TXNRD2: variants seen among roughly 807,000 people sequenced by gnomAD.
TXNRD2 encodes the protein thioredoxin reductase 2, mitochondrial.
A neutral mutation model predicts 70.8 loss-of-function variants in TXNRD2; 67 were observed. The ratio of observed to expected loss-of-function variants is 0.95; its 90% CI spans 0.78 to 1.16. The LOEUF (loss-of-function observed/expected upper bound fraction) is 1.16. TXNRD2 is among the 50% of genes most tolerant of loss of function. The pLI, the probability that TXNRD2 is intolerant of heterozygous loss-of-function variation, is 0.00. For missense variants in TXNRD2, 644 were observed against 719.9 expected, an observed-to-expected ratio of 0.89 and a Z score of 1.21; for synonymous variants, 301 against 295.8, an observed-to-expected ratio of 1.02 and a Z score of -0.18.
chr22:19,909,205 C>CAA lies in TXNRD2; in HGVS notation c.662+2170_662+2171dup, dbSNP rs199938429. 4.2e-3 allele frequency among the ~76,000 whole-genome samples: 310 copies of CAA among 73,742 alleles called. 1 individual carries two copies. The highest frequency in any genetic ancestry group is 0.012 in the African/African-American group (276 of 23,816). The allele number at this position is 73,742 out of a possible 152,430, so 48.4% of individuals were successfully genotyped here. ...TGGGCAACAGAGTGAGACTCTGTTT[C>CAA]AAAAAAAAAAAAAAAAAAGGTTAAA... On this transcript the variant is annotated intron_variant, in intron 8 of 17. Transcript: ENST00000400521.
chr22:19,877,258 C>T, intron 16 of TXNRD2, 24 bp from the exon 17 acceptor site: 1 of 1,603,334 alleles, frequency 6.2e-7, no homozygotes, highest in South Asian at 1.1e-5. Context: ...ATGGGGGAGG[C>T]AGGCGGGGTC....
intron 1 of TXNRD2, among the ~76,000 whole-genome samples, chr22:19,938,620 T>C (rs1364592047): frequency 1.3e-5 from 2 of 152,228 alleles, no homozygotes; most frequent in Non-Finnish European, 2.9e-5. Flanking sequence ...TGGCTTGCAC[T>C]GGCCCTGATG....
chr22:19,933,353 G>C, intron 1 of TXNRD2: 1 of 952,152 alleles, frequency 1.1e-6, no homozygotes, highest in Non-Finnish European at 1.5e-6. Context: ...GGTCCCCCGG[G>C]GAGCATGAAC....
intron 2 of TXNRD2, among the ~76,000 whole-genome samples, chr22:19,920,920 G>A (rs1940881062): frequency 6.6e-6 from 1 of 152,090 alleles, no homozygotes; most frequent in South Asian, 2.1e-4. Context: ...GGCTAACACG[G>A]TGAAACCCTG....
chr22:19,916,192 C>G, intron 5 of TXNRD2: 2 of 343,040 alleles, frequency 5.8e-6, no homozygotes, highest in South Asian at 5.1e-5. Flanking sequence ...CATGTTCCAG[C>G]AGGGAGCTGT....
chr22:19,890,294 A>G (rs1375412743), intron 11 of TXNRD2, among the ~76,000 whole-genome samples: 1 of 152,160 alleles, frequency 6.6e-6, no homozygotes, highest in East Asian at 1.9e-4. Context: ...AAAAATATCA[A>G]ACTCACAATG....
intron 5 of TXNRD2, among the ~76,000 whole-genome samples, chr22:19,916,659 A>T (rs2146039663): frequency 6.8e-6 from 1 of 147,786 alleles, no homozygotes; most frequent in African/African-American, 2.5e-5. Context: ...TTTTTTTTAA[A>T]GACATCTTCT....
intron 2 of TXNRD2, among the ~76,000 whole-genome samples, chr22:19,927,568 C>T (rs1308897443): frequency 8.9e-5 from 13 of 146,884 alleles, no homozygotes; most frequent in Admixed American, 8.3e-4. Flanking sequence ...GTGGGAAAAT[C>T]GCTTGAACCC....
chr22:19,900,624 C>A (rs926005896), intron 8 of TXNRD2, among the ~76,000 whole-genome samples: 1 of 152,144 alleles, frequency 6.6e-6, no homozygotes, highest in Non-Finnish European at 1.5e-5. Context: ...GCGATGTGCG[C>A]CTGTAGTCCC....
Position 19,882,276 on chromosome 22 carries a change from C to T in TXNRD2, c.1086+1049G>A, listed in dbSNP as rs62222100. ...GCACAATCTTGGCTCACGGTAACCTCCGCCTTCCTCCTCCCGAGTTCAAAT... is the reference window on the plus strand; with the variant it reads ...GCACAATCTTGGCTCACGGTAACCTTCGCCTTCCTCCTCCCGAGTTCAAAT... On this transcript the variant is annotated intron_variant, in intron 12 of 17. Transcript: ENST00000400521. Among the ~76,000 whole-genome samples, 733 of 152,280 alleles carry T rather than the reference C, an allele frequency of 4.8e-3. 1 individual carries two copies. Among genetic ancestry groups the T allele is most frequent in the Non-Finnish European group, 7.2e-3 (493 of 68,026 alleles).
chr22:19,937,518 C>T (rs565765033), intron 1 of TXNRD2, among the ~76,000 whole-genome samples: 7 of 152,146 alleles, frequency 4.6e-5, no homozygotes, highest in East Asian at 3.8e-4. Flanking sequence ...TTCCATCCTA[C>T]GTCAAAATTT....
intron 8 of TXNRD2, among the ~76,000 whole-genome samples, chr22:19,901,205 G>C (rs112011114): frequency 7.2e-5 from 11 of 152,212 alleles, no homozygotes; most frequent in Non-Finnish European, 1.6e-4. Context: ...GGATTGGAGC[G>C]GGGGCAGGTG....
intron 13 of TXNRD2, 50 bp from the exon 14 acceptor site, chr22:19,880,321 A>C (rs1157206044): frequency 1.9e-6 from 3 of 1,559,944 alleles, no homozygotes; most frequent in Non-Finnish European, 2.6e-6. Flanking sequence ...CGAAAACCGA[A>C]GTTCCCCACT....
rs188325304 is a variant in TXNRD2, at chr22:19,916,075, A to G, written c.450-232T>C. On this transcript the variant is annotated intron_variant, in intron 5 of 17. Coordinates refer to ENST00000400521, the MANE Select transcript of TXNRD2 (RefSeq NM_006440.5). ...GGGACATGTTAACCACAGGTGTCAA[A>G]GCAGGGACGGAAGCCAGCTCAGCAC... 778 of 519,376 alleles carry G rather than the reference A, an allele frequency of 1.5e-3. 7 individuals are homozygous for G. The highest frequency in any genetic ancestry group is 0.013 in the African/African-American group (688 of 51,956). 32.2% of individuals were successfully genotyped at this position (519,376 alleles called of 1,614,324 possible).
In TXNRD2 at chr22:19,879,981, A is replaced by G. The variant is rs76576226; in HGVS notation, c.1275+198T>C. Among the ~76,000 whole-genome samples, 4,005 of 152,130 alleles carry G rather than the reference A, an allele frequency of 0.026. 208 individuals carry two copies. The highest frequency in any genetic ancestry group is 0.09 in the African/African-American group (3,738 of 41,490). On this transcript the variant is annotated intron_variant, in intron 14 of 17. Coordinates refer to ENST00000400521, the MANE Select transcript of TXNRD2 (RefSeq NM_006440.5). ...AGACCAGAGGCACCTAAGCCCAGTCACCCCAAGGCTGCCAAAGCCCAGGCA... is the reference window on the plus strand; with the variant it reads ...AGACCAGAGGCACCTAAGCCCAGTCGCCCCAAGGCTGCCAAAGCCCAGGCA...
chr22:19,889,675 T>C (rs1402982685), intron 11 of TXNRD2, among the ~76,000 whole-genome samples: 1 of 152,020 alleles, frequency 6.6e-6, no homozygotes, highest in Non-Finnish European at 1.5e-5. Context: ...GAGGTTTCAC[T>C]CTGTTGCTCA....
chr22:19,909,945 A>ACACACACACACCACT (rs1569094129), intron 8 of TXNRD2, among the ~76,000 whole-genome samples: 26 of 52,216 alleles, frequency 5.0e-4, no homozygotes, highest in Admixed American at 8.0e-4. Flanking sequence ...CTCACACACC[A>ACACACACACACCACT]CACACACACA....
At chr22:19,878,574 G>T (rs1042165044) in intron 14 of TXNRD2, 137 bp from the exon 15 acceptor site, 1 of 861,042 alleles carries the variant, frequency 1.2e-6, no homozygotes, top group Non-Finnish European at 2.0e-6. Context: ...GTCTGGTCTG[G>T]GATGGGGATG....
chr22:19,940,595 C>A (rs1358739899), intron 1 of TXNRD2, among the ~76,000 whole-genome samples: 2 of 152,164 alleles, frequency 1.3e-5, no homozygotes, highest in African/African-American at 4.8e-5. Context: ...TCCCCACTAC[C>A]GCCCCTCACA....
Sources: allele counts gnomAD v4.1 joint callset (sites outside exome capture counted in the v4.1 genomes callset), GRCh38; gene constraint gnomAD v4.1.1; transcripts MANE v1.5; gene names NCBI Gene and HGNC (gene_info 2026-07-23, HGNC 2026-07-21).